The following LPO variants were observed in gnomAD, a reference collection of about 807,000 sequenced individuals.
LPO encodes the protein lactoperoxidase, also known as salivary peroxidase.
In LPO, 70 loss-of-function variants were observed where a neutral mutation model predicts 68.4. The observed-to-expected ratio is 1.02, with a 90% CI of 0.84 to 1.25. The LOEUF (loss-of-function observed/expected upper bound fraction) is 1.25. Ranked by LOEUF, LPO falls within the 50% of genes most tolerant of loss-of-function variation. The pLI is 0.00. For synonymous variants in LPO, 360 were observed against 357.6 expected, an observed-to-expected ratio of 1.01 and a Z score of -0.08; for missense variants, 873 against 908.4, an observed-to-expected ratio of 0.96 and a Z score of 0.50.
Position 58,267,415 on chromosome 17 carries a change from T to G in LPO, c.1760T>G (p.Val587Gly), listed in dbSNP as rs1486064321. 2 of 1,614,252 alleles carry G rather than the reference T, an allele frequency of 1.2e-6. No homozygotes were observed. The highest frequency in any genetic ancestry group is 2.2e-5 in the South Asian group (2 of 91,090). ...CAGACACTAGAGGAGTTGAACACAG[T>G]GCTGAAGAGCAAGATGCTGGCCAAG... is the stretch of plus-strand genomic sequence containing the variant. Reference protein sequence around the residue: ...QPQTLEELNTVLKSKMLAKKL... With the variant: ...QPQTLEELNTGLKSKMLAKKL... The change falls in exon 12 of 13, where the codon GTG (valine) becomes GGG (glycine). Residue 587 changes from valine to glycine, a missense_variant. By Grantham distance (109) the Val-to-Gly change is moderately radical (BLOSUM62 -3). Coordinates refer to ENST00000262290, the MANE Select transcript of LPO (RefSeq NM_006151.3).
chr17:58,243,249 C>G (rs1370399551), intron 2 of LPO, 194 bp downstream of exon 2: 1 of 563,554 alleles, frequency 1.8e-6, no homozygotes, highest in Non-Finnish European at 3.2e-6. Flanking sequence ...CTTCTGGTGG[C>G]CCTGGTATCC....
At chr17:58,248,844 A>G (rs1198163439) in intron 4 of LPO, among the ~76,000 whole-genome samples, 1 of 152,134 alleles carries the variant, frequency 6.6e-6, no homozygotes, top group Admixed American at 6.6e-5. Context: ...AGTCTCTTGA[A>G]CATTGTGTTC....
rs1969783834 is a variant in LPO, at chr17:58,242,960, T to A, written c.-2-18T>A. The A allele has an allele frequency of 6.2e-7, 1 of 1,604,650 alleles. No homozygotes were observed. The highest frequency in any genetic ancestry group is 8.5e-7 in the Non-Finnish European group (1 of 1,171,606). ...GTCTCTAGAGAGGCTCACAGTGTGA[T>A]CCTGCATCTCGTTTCAGTGATGAGG... On this transcript the variant is annotated intron_variant, in intron 1 of 12. Coordinates refer to ENST00000262290, the MANE Select transcript of LPO (RefSeq NM_006151.3).
chr17:58,250,499 T>C lies in LPO; in HGVS notation c.658T>C (p.Trp220Arg). The change falls in exon 7 of 13, where the codon TGG becomes CGG. Residue 220 changes from tryptophan (W) to arginine (R), a missense_variant. Coordinates refer to ENST00000262290, the MANE Select transcript of LPO (RefSeq NM_006151.3). ...DQNRSLLFMQ[W>R]GQIVDHDLDF... ...AAACAGGTCCCTGCTCTTCATGCAGTGGGGTCAGATTGTGGATCATGACCT... is the reference window on the plus strand; with the variant it reads ...AAACAGGTCCCTGCTCTTCATGCAGCGGGGTCAGATTGTGGATCATGACCT... 1 of 1,614,152 alleles carries C rather than the reference T, an allele frequency of 6.2e-7. No individual in the cohort carries two copies. The highest frequency in any genetic ancestry group is 1.3e-5 in the African/African-American group (1 of 75,018).
intron 3 of LPO, among the ~76,000 whole-genome samples, chr17:58,246,992 G>T (rs1263660706): frequency 6.6e-6 from 1 of 152,238 alleles, no homozygotes; most frequent in East Asian, 1.9e-4. Flanking sequence ...GCAGTCAGGA[G>T]CCAATCCCAG....
intron 9 of LPO, among the ~76,000 whole-genome samples, chr17:58,257,945 T>C (rs1403481202): frequency 2.0e-5 from 3 of 152,244 alleles, no homozygotes; most frequent in Non-Finnish European, 4.4e-5. Flanking sequence ...TTTTGAGAAA[T>C]GTCTATTCAA....
chr17:58,249,246 C>A, intron 5 of LPO, 69 bp downstream of exon 5: 2 of 1,392,816 alleles, frequency 1.4e-6, no homozygotes, highest in Admixed American at 1.8e-5. Context: ...AGGCCTTTGT[C>A]CCTTGGGCAC....
At chr17:58,252,601 T>C (rs1969983558) in intron 8 of LPO, 95 bp downstream of exon 8, 1 of 1,258,896 alleles carries the variant, frequency 7.9e-7, no homozygotes, top group Middle Eastern at 1.9e-4. Context: ...TCTGGAAAAA[T>C]GCACACTGAG....
chr17:58,242,642 C>T (rs925725320), intron 1 of LPO, among the ~76,000 whole-genome samples: 4 of 152,192 alleles, frequency 2.6e-5, no homozygotes, highest in Non-Finnish European at 4.4e-5. Context: ...CTTGGTCCCA[C>T]CTCCTCCCAT....
chr17:58,266,172 G>A lies in LPO; in HGVS notation c.1539G>A (p.Val513=), dbSNP rs777309120. The change falls in exon 11 of 13, where the codon GTG becomes GTA. Residue 513 remains valine, a synonymous_variant. Coordinates refer to ENST00000262290, the MANE Select transcript of LPO (RefSeq NM_006151.3). ...TGGCAGGTGGAATTGATCCTCTGGT[G>A]CGGGGCCTGCTGGCCAAGAAATCCA... ...MVKDGGIDPL[V]RGLLAKKSKL... 1.9e-6 allele frequency: 3 copies of A among 1,613,972 alleles called. No individual in the cohort carries two copies. The highest frequency in any genetic ancestry group is 2.7e-5 in the African/African-American group (2 of 74,920).
At chr17:58,244,217 C>A (rs1969813324) in intron 3 of LPO, 136 bp downstream of exon 3, 2 of 686,424 alleles carry the variant, frequency 2.9e-6, no homozygotes, top group Non-Finnish European at 2.6e-6. Context: ...TAAAACTTAC[C>A]CTTCCATCCT....
At chr17:58,261,239 G>A (rs114915922) in intron 9 of LPO, among the ~76,000 whole-genome samples, 231 of 152,244 alleles carry the variant, frequency 1.5e-3, no homozygotes, top group African/African-American at 5.2e-3. Context: ...AGCTATAAAT[G>A]AGAATTTGCC....
intron 1 of LPO, among the ~76,000 whole-genome samples, chr17:58,241,036 A>G (rs1358080655): frequency 6.6e-6 from 1 of 151,820 alleles, no homozygotes; most frequent in African/African-American, 2.4e-5. Flanking sequence ...TATACCTAAC[A>G]TTACAGTACT....
intron 7 of LPO, chr17:58,251,010 G>A (rs542756392): frequency 3.8e-5 from 9 of 234,620 alleles, no homozygotes; most frequent in Admixed American, 1.5e-4. Context: ...TGGGCGAGGC[G>A]GCTCATGCCT....
Position 58,244,086 on chromosome 17 carries a change from G to T in LPO, c.164+5G>T. ...CTTCCTGGACTCCCGAACCAGGTAC[G>T]TGAGACACACACACACACACACACA... On this transcript the variant is annotated splice_donor_5th_base_variant and intron_variant, in intron 3 of 12. Coordinates refer to ENST00000262290, the MANE Select transcript of LPO (RefSeq NM_006151.3). 2 of 1,520,476 alleles carry T rather than the reference G, an allele frequency of 1.3e-6. No individual in the cohort carries two copies. The highest frequency in any genetic ancestry group is 2.3e-5 in the South Asian group (2 of 88,804). The allele number at this position is 1,520,476 out of a possible 1,614,324, so 94.2% of individuals were successfully genotyped here.
rs747681797 is a variant in LPO at position 58,264,859 on chromosome 17, C to T, written c.1404C>T (p.His468=). The change falls in exon 10 of 13, where the codon CAC becomes CAT. Residue 468 remains histidine, a synonymous_variant. Transcript: ENST00000262290. ...NVFTFAFRFG[H]LEVPSSMFRL... ...TCACCTTCGCCTTCCGCTTTGGCCA[C>T]TTGGAGGTCCCCTCTAGTATGTTCC... 4 of 1,614,266 alleles carry T rather than the reference C, an allele frequency of 2.5e-6. No individual in the cohort carries two copies. The Middle Eastern group carries it at 6.6e-4, about 266-fold the overall frequency.
chr17:58,259,831 G>C (rs1316897535), intron 9 of LPO, among the ~76,000 whole-genome samples: 1 of 152,004 alleles, frequency 6.6e-6, no homozygotes, highest in Non-Finnish European at 1.5e-5. Flanking sequence ...ATTTTGTTTT[G>C]TTTTGTTTTG....
chr17:58,249,452 C>G, intron 5 of LPO, 114 bp from the exon 6 acceptor site: 1 of 1,436,022 alleles, frequency 7.0e-7, no homozygotes, highest in Non-Finnish European at 9.2e-7. Flanking sequence ...TTGAGAGGCC[C>G]CCTTCTCTGC....
At chr17:58,252,151 G>T in intron 7 of LPO, 31 bp from the exon 8 acceptor site, 1 of 1,601,768 alleles carries the variant, frequency 6.2e-7, no homozygotes, top group Non-Finnish European at 8.5e-7. Flanking sequence ...TTCCACCCCT[G>T]CCCAGTCACT....
Sources: gnomAD v4.1 joint callset for allele counts (sites outside exome capture counted in the v4.1 genomes callset) on GRCh38, gnomAD v4.1.1 for gene constraint, MANE v1.5 for transcripts, NCBI Gene and HGNC (gene_info 2026-07-23, HGNC 2026-07-21) for gene names.